The following SLC39A8 variants were observed in gnomAD, a reference collection of about 807,000 sequenced individuals.
SLC39A8 encodes solute carrier family 39 member 8, also known as metal cation symporter ZIP8.
Under a neutral mutation model 40.4 loss-of-function variants are expected in SLC39A8, and 15 were observed. That is an observed-to-expected ratio of 0.37 (90% confidence interval 0.25 to 0.57). SLC39A8 has a LOEUF of 0.57. Among genes scored for constraint, SLC39A8 ranks in the 20% least tolerant of loss-of-function variants. SLC39A8 has a pLI of 0.75. For missense variants in SLC39A8, 472 were observed against 558.8 expected (o/e 0.84, Z 1.57); for synonymous variants, 223 against 221.6 (o/e 1.01, Z -0.06).
intron 4 of SLC39A8, among the ~76,000 whole-genome samples, chr4:102,305,625 C>A (rs952082956): frequency 6.6e-6 from 1 of 151,840 alleles, no homozygotes; most frequent in African/African-American, 2.4e-5. Flanking sequence ...GTGATAAATC[C>A]TAAAAAGGTA....
downstream of SLC39A8, among the ~76,000 whole-genome samples, chr4:102,261,305 T>C (rs763055238): frequency 3.9e-5 from 6 of 152,212 alleles, no homozygotes; most frequent in African/African-American, 7.2e-5. Flanking sequence ...GCTGTTGATA[T>C]GCCTATGTTA....
At chr4:102,309,136 G>C (rs1032797619) in intron 3 of SLC39A8, among the ~76,000 whole-genome samples, 4 of 151,876 alleles carry the variant, frequency 2.6e-5, no homozygotes, top group Non-Finnish European at 5.9e-5. Context: ...TGTTAGTCTA[G>C]AATTTCTATG....
In SLC39A8 at chr4:102,342,966, C is replaced by T. The variant is rs533971291; in HGVS notation, c.219+1478G>A. Among the ~76,000 whole-genome samples, 6 of 152,314 alleles carry T rather than the reference C, an allele frequency of 3.9e-5. No individual in the cohort carries two copies. In the East Asian group the frequency reaches 1.2e-3, roughly 29 times the overall value. ...ACGTGACCATACCTACCTGGAAATA[C>T]TGGAGTCAGCTCAGTTGTTTCCCCT... On this transcript the variant is annotated intron_variant, in intron 2 of 8. Coordinates refer to ENST00000356736, the MANE Select transcript of SLC39A8 (RefSeq NM_001135146.2).
At chr4:102,293,935 A>G (rs1733571218) in intron 6 of SLC39A8, among the ~76,000 whole-genome samples, 1 of 151,742 alleles carries the variant, frequency 6.6e-6, no homozygotes, top group Admixed American at 6.6e-5. Flanking sequence ...AGACAAGTGA[A>G]AGAGACTAGA....
intron 6 of SLC39A8, among the ~76,000 whole-genome samples, chr4:102,294,119 C>A (rs903975630): frequency 3.3e-5 from 5 of 151,904 alleles, no homozygotes; most frequent in East Asian, 1.9e-4. Context: ...GGAAGGAAAT[C>A]TTAGTGAAAA....
In SLC39A8 at chr4:102,307,480, T is replaced by A; in HGVS notation, c.508A>T (p.Ile170Phe). 1 of 1,613,364 alleles carries A rather than the reference T, an allele frequency of 6.2e-7. No individual in the cohort carries two copies. The highest frequency in any genetic ancestry group is 8.5e-7 in the Non-Finnish European group (1 of 1,179,592). ...ATTGCATTTGAAAAAAGAGTCCCAA[T>A]AGCCAGCCCCACAAAAAAGGTCAAA... is the stretch of plus-strand genomic sequence containing the variant. Reference protein sequence around the residue: ...KILTFFVGLAIGTLFSNAIFQ... With the variant: ...KILTFFVGLAFGTLFSNAIFQ... The change falls in exon 4 of 9, where the codon ATT becomes TTT. Residue 170 changes from isoleucine to phenylalanine, a missense_variant. Coordinates refer to ENST00000356736, the MANE Select transcript of SLC39A8 (RefSeq NM_001135146.2).
chr4:102,298,395 G>T (rs939138001), intron 6 of SLC39A8, among the ~76,000 whole-genome samples: 13 of 151,984 alleles, frequency 8.6e-5, no homozygotes, highest in Non-Finnish European at 1.8e-4. Context: ...TTCTCCTCAT[G>T]ATTGGCTATA....
chr4:102,267,279 T>C (rs535321519), intron 8 of SLC39A8, among the ~76,000 whole-genome samples: 3 of 152,330 alleles, frequency 2.0e-5, no homozygotes, highest in East Asian at 3.9e-4. Context: ...AATACGATTA[T>C]GTTTTAAAGA....
At chr4:102,257,871 G>A (rs879373567), downstream of SLC39A8, among the ~76,000 whole-genome samples, 3 of 152,188 alleles carry the variant, frequency 2.0e-5, no homozygotes, top group Non-Finnish European at 2.9e-5. Context: ...CAGTGAGCAT[G>A]ATATTGAGCT....
At chr4:102,255,454 C>G (rs897629571) in intron 11 of SLC39A8, among the ~76,000 whole-genome samples, 1 of 152,162 alleles carries the variant, frequency 6.6e-6, no homozygotes, top group Non-Finnish European at 1.5e-5. Context: ...CAGCATCCAT[C>G]TCATTTTCCC....
At chr4:102,291,604 T>C (rs1211175523) in intron 6 of SLC39A8, among the ~76,000 whole-genome samples, 2 of 152,012 alleles carry the variant, frequency 1.3e-5, no homozygotes, top group Non-Finnish European at 2.9e-5. Flanking sequence ...GGGGTTCCTG[T>C]ATTCACAGCT....
At chr4:102,307,389 T>G in intron 4 of SLC39A8, 47 bp downstream of exon 4, 1 of 1,596,958 alleles carries the variant, frequency 6.3e-7, no homozygotes, top group Non-Finnish European at 8.5e-7. Context: ...TGCTAAAACG[T>G]TCAAAAGAAA....
intron 3 of SLC39A8, among the ~76,000 whole-genome samples, chr4:102,309,723 T>G (rs1271865588): frequency 6.6e-6 from 1 of 152,126 alleles, no homozygotes; most frequent in East Asian, 1.9e-4. Context: ...GTTAAACTCA[T>G]CAGCTTCCCT....
chr4:102,254,779 C>G (rs1441448360), intron 11 of SLC39A8, among the ~76,000 whole-genome samples: 1 of 152,178 alleles, frequency 6.6e-6, no homozygotes, highest in Non-Finnish European at 1.5e-5. Flanking sequence ...AGTTATCCTG[C>G]TCCTGCTCTT....
In SLC39A8 at chr4:102,328,437, T is replaced by C. The variant is rs116288764; in HGVS notation, c.220-12607A>G. Among the ~76,000 whole-genome samples the C allele has an allele frequency of 1.6e-3, 248 of 152,310 alleles. 1 individual carries two copies. Among genetic ancestry groups the C allele is most frequent in the African/African-American group, 5.9e-3 (244 of 41,576 alleles). On this transcript the variant is annotated intron_variant, in intron 2 of 8. Transcript: ENST00000356736. ...TGCATCTAGGTTGATGTCTAGATCA[T>C]CTGCTTAAACCAGCAGAATAGAGAG... is the stretch of plus-strand genomic sequence containing the variant.
At chr4:102,323,335 G>A (rs1735041874) in intron 2 of SLC39A8, among the ~76,000 whole-genome samples, 1 of 152,134 alleles carries the variant, frequency 6.6e-6, no homozygotes, top group Non-Finnish European at 1.5e-5. Context: ...AGCATAGAAA[G>A]GAGATACATA....
chr4:102,257,763 C>T (rs780086985), downstream of SLC39A8, among the ~76,000 whole-genome samples: 1 of 152,180 alleles, frequency 6.6e-6, no homozygotes, highest in Non-Finnish European at 1.5e-5. Flanking sequence ...GTAATGTCTC[C>T]CTGTGCCACT....
intron 8 of SLC39A8, 66 bp downstream of exon 8, chr4:102,267,424 C>T (rs1732150195): frequency 1.4e-6 from 2 of 1,438,844 alleles, no homozygotes; most frequent in Admixed American, 5.0e-5. Context: ...CCTTAGTTAA[C>T]TTATAATCCA....
At chr4:102,315,851 A>C (rs752559838) in intron 2 of SLC39A8, 21 bp from the exon 3 acceptor site, 1 of 1,590,956 alleles carries the variant, frequency 6.3e-7, no homozygotes. Context: ...ATAAACAAAA[A>C]AAAAATGTGA....
Sources: allele counts gnomAD v4.1 joint callset (sites outside exome capture counted in the v4.1 genomes callset), GRCh38; gene constraint gnomAD v4.1.1; transcripts MANE v1.5; gene names NCBI Gene and HGNC (gene_info 2026-07-23, HGNC 2026-07-21).